Variants in TANC1 observed in about 807,000 individuals in gnomAD.
TANC1 encodes protein TANC1.
A neutral mutation model predicts 149.7 loss-of-function variants in TANC1; 77 were observed. That is an observed-to-expected ratio of 0.51 (90% CI 0.43 to 0.62). The LOEUF is 0.62. TANC1 is among the 20% of genes least tolerant of loss of function. TANC1 has a pLI of 0.00. For missense variants in TANC1, 1,985 were observed against 2,321.8 expected, an observed-to-expected ratio of 0.85 and a Z score of 2.98; for synonymous variants, 854 against 925.0, an observed-to-expected ratio of 0.92 and a Z score of 1.39.
intron 19 of TANC1, among the ~76,000 whole-genome samples, chr2:159,203,247 A>C: frequency 7.2e-6 from 1 of 138,148 alleles, no homozygotes; most frequent in East Asian, 2.1e-4. Context: ...TCACTGTGTC[A>C]CCAGGCTAGA....
rs1321746936 is a variant in TANC1 at position 159,229,915 on chromosome 2, T to G, written c.4489T>G (p.Ser1497Ala). The change falls in exon 27 of 27, where the codon TCC (serine) becomes GCC (alanine). Residue 1497 changes from serine to alanine, a missense_variant. This residue lies in a region of TANC1 where 920 missense variants were observed against 994.7 expected (regional missense o/e 0.92). Coordinates refer to ENST00000263635, the MANE Select transcript of TANC1 (RefSeq NM_033394.3). ...YIRNLQEGLQ[S>A]KGRPVSPQSR... ...CCGAAACCTTCAAGAAGGGTTACAG[T>G]CCAAAGGAAGGCCGGTATCGCCACA... The G allele has an allele frequency of 2.5e-6, 4 of 1,613,822 alleles. No individual in the cohort carries two copies. Among genetic ancestry groups the G allele is most frequent in the Non-Finnish European group, 3.4e-6 (4 of 1,180,020 alleles).
At chr2:159,229,478 C>G in intron 26 of TANC1, 100 bp from the exon 27 acceptor site, 1 of 1,047,514 alleles carries the variant, frequency 9.5e-7, no homozygotes. Context: ...AACTCACTTG[C>G]TACCTTCTCT....
Position 159,196,592 on chromosome 2 carries a change from C to G in TANC1, c.2980-16C>G, listed in dbSNP as rs372890829. ...AGTAATGCTCAGCTGTAACCTTCCC[C>G]TACTCCTGCCCCCAGGTGGACCACT... On this transcript the variant is annotated splice_polypyrimidine_tract_variant and intron_variant, in intron 17 of 26. Coordinates refer to ENST00000263635, the MANE Select transcript of TANC1 (RefSeq NM_033394.3). 1.3e-6 allele frequency: 2 copies of G among 1,588,310 alleles called. No homozygotes were observed. The highest frequency in any genetic ancestry group is 1.7e-6 in the Non-Finnish European group (2 of 1,163,684).
At chr2:159,048,506 G>A (rs1288037994) in intron 2 of TANC1, among the ~76,000 whole-genome samples, 1 of 152,092 alleles carries the variant, frequency 6.6e-6, no homozygotes, top group Non-Finnish European at 1.5e-5. Flanking sequence ...TTCAAATTCA[G>A]GGCATTTTTG....
At chr2:159,080,057 C>T (rs1390192935) in intron 3 of TANC1, among the ~76,000 whole-genome samples, 2 of 152,152 alleles carry the variant, frequency 1.3e-5, no homozygotes, top group South Asian at 2.1e-4. Flanking sequence ...TTCCTACTGC[C>T]ACCCAGAAAA....
intron 19 of TANC1, among the ~76,000 whole-genome samples, chr2:159,215,222 G>A (rs1202545480): frequency 1.3e-5 from 2 of 152,180 alleles, no homozygotes; most frequent in Admixed American, 6.5e-5. Flanking sequence ...TTCCGGTGAC[G>A]AGGCCCCAGA....
intron 4 of TANC1, among the ~76,000 whole-genome samples, chr2:159,115,777 T>C (rs765641596): frequency 6.6e-6 from 1 of 152,170 alleles, no homozygotes; most frequent in African/African-American, 2.4e-5. Context: ...TTTGTTTTTC[T>C]CCCCAGTTTA....
At chr2:159,223,043 T>G (rs190354480) in intron 22 of TANC1, among the ~76,000 whole-genome samples, 5 of 152,322 alleles carry the variant, frequency 3.3e-5, no homozygotes, top group African/African-American at 1.2e-4. Flanking sequence ...GTAGCTGGGA[T>G]TACAGGTGCC....
intron 4 of TANC1, among the ~76,000 whole-genome samples, chr2:159,135,382 G>T (rs1204956133): frequency 6.6e-6 from 1 of 152,244 alleles, no homozygotes; most frequent in Admixed American, 6.5e-5. Flanking sequence ...GTGAGCATTC[G>T]TGTACAAGTT....
chr2:159,081,782 T>G (rs1308978994), intron 3 of TANC1, among the ~76,000 whole-genome samples: 1 of 152,202 alleles, frequency 6.6e-6, no homozygotes, highest in Non-Finnish European at 1.5e-5. Context: ...GCTGCCCCTT[T>G]ATCTGCCTTC....
intron 4 of TANC1, among the ~76,000 whole-genome samples, chr2:159,107,604 T>TC (rs2047314972): frequency 6.6e-6 from 1 of 152,210 alleles, no homozygotes; most frequent in Non-Finnish European, 1.5e-5. Flanking sequence ...GACTGTTCTT[T>TC]CCCCACTGAA....
At chr2:159,121,684 T>G (rs1268230035) in intron 4 of TANC1, among the ~76,000 whole-genome samples, 1 of 152,146 alleles carries the variant, frequency 6.6e-6, no homozygotes, top group Non-Finnish European at 1.5e-5. Context: ...TGTTAATGGT[T>G]TAGGAATTTG....
intron 19 of TANC1, among the ~76,000 whole-genome samples, chr2:159,203,086 C>T (rs1429044460): frequency 6.6e-6 from 1 of 152,186 alleles, no homozygotes; most frequent in Non-Finnish European, 1.5e-5. Context: ...CCAGCACTTG[C>T]CATTCAGGCA....
At chr2:159,102,868 A>G (rs1352872868) in intron 4 of TANC1, among the ~76,000 whole-genome samples, 2 of 93,888 alleles carry the variant, frequency 2.1e-5, no homozygotes. Flanking sequence ...ACAGGCACCC[A>G]CCACCACGCC....
intron 2 of TANC1, among the ~76,000 whole-genome samples, chr2:159,007,103 C>T (rs954795718): frequency 2.0e-5 from 3 of 151,482 alleles, no homozygotes; most frequent in African/African-American, 4.8e-5. Context: ...TTGGAGCTGC[C>T]CTATACAGGT....
intron 3 of TANC1, among the ~76,000 whole-genome samples, chr2:159,077,688 A>G (rs1056336743): frequency 6.6e-6 from 1 of 152,166 alleles, no homozygotes; most frequent in Non-Finnish European, 1.5e-5. Context: ...TCAGTGTTGC[A>G]TTGGGTAGTT....
At chr2:159,002,775 TAA>T (rs2036742056) in intron 2 of TANC1, among the ~76,000 whole-genome samples, 1 of 152,212 alleles carries the variant, frequency 6.6e-6, no homozygotes, top group South Asian at 2.1e-4. Context: ...CAATCTGTGC[TAA>T]AAGCAGGCTG....
intron 2 of TANC1, among the ~76,000 whole-genome samples, chr2:159,029,965 A>G (rs753793380): frequency 5.9e-5 from 9 of 152,172 alleles, no homozygotes; most frequent in Admixed American, 1.3e-4. Flanking sequence ...CTGGGATTAT[A>G]GGTGTGAGCC....
At chr2:159,229,059 T>C in intron 26 of TANC1, among the ~76,000 whole-genome samples, 163 bp downstream of exon 26, 1 of 152,178 alleles carries the variant, frequency 6.6e-6, no homozygotes, top group Non-Finnish European at 1.5e-5. Context: ...GGCATAGTAG[T>C]GGACATTATC....
Sources: gnomAD v4.1 joint callset for allele counts (sites outside exome capture counted in the v4.1 genomes callset) on GRCh38, gnomAD v4.1.1 for gene constraint, gnomAD v4.1.1 regional missense constraint, MANE v1.5 for transcripts, NCBI Gene and HGNC (gene_info 2026-07-23, HGNC 2026-07-21) for gene names.